Variants in PHLDB1 observed in about 807,000 individuals in gnomAD.
PHLDB1 encodes the protein pleckstrin homology like domain family B member 1, also known as pleckstrin homology-like domain family B member 1.
Under a neutral mutation model 139.3 loss-of-function variants are expected in PHLDB1, and 65 were observed. The ratio of observed to expected loss-of-function variants is 0.47; its 90% CI spans 0.38 to 0.57. PHLDB1 has a LOEUF of 0.57. Ranked by LOEUF, PHLDB1 falls within the 20% of genes least tolerant of loss-of-function variation. The pLI is 0.00. For missense variants in PHLDB1, 1,624 were observed against 1,839.7 expected (o/e 0.88, Z 2.14); for synonymous variants, 679 against 734.5 (o/e 0.92, Z 1.22).
rs1939952920 is a variant in PHLDB1 at position 118,610,513 on chromosome 11, C to A, written c.-22+2814C>A. 2.0e-6 allele frequency: 2 copies of A among 980,262 alleles called. No individual in the cohort carries two copies. Among genetic ancestry groups the A allele is most frequent in the Non-Finnish European group, 2.4e-6 (2 of 825,246 alleles). The allele number at this position is 980,262 out of a possible 1,614,324, so 60.7% of individuals were successfully genotyped here. ...CGCTTGGGCCGAGGCCGAGGCCGACCCCCAGGGACACAGGTGAGGCCGGGC... is the reference window on the plus strand; with the variant it reads ...CGCTTGGGCCGAGGCCGAGGCCGACACCCAGGGACACAGGTGAGGCCGGGC... On this transcript the variant is annotated intron_variant, in intron 1 of 22. Coordinates refer to ENST00000600882, the MANE Select transcript of PHLDB1 (RefSeq NM_001144758.3). This position sits in a 1 kb window ranked among gnomAD's most constrained non-coding sequence, Gnocchi z 8.7.
intron 4 of PHLDB1, among the ~76,000 whole-genome samples, chr11:118,617,986 G>A (rs1046936124): frequency 1.3e-5 from 2 of 151,856 alleles, no homozygotes; most frequent in Admixed American, 6.6e-5. Flanking sequence ...TAAGAACATT[G>A]TTCCCCTGCA....
chr11:118,635,023 G>A (rs960783842), intron 9 of PHLDB1: 3 of 485,330 alleles, frequency 6.2e-6, no homozygotes, highest in African/African-American at 1.9e-5. Flanking sequence ...GAGTCAGTGC[G>A]GGAACAGTTA....
intron 4 of PHLDB1, among the ~76,000 whole-genome samples, chr11:118,616,583 A>C (rs1466730560): frequency 6.6e-6 from 1 of 152,194 alleles, no homozygotes; most frequent in African/African-American, 2.4e-5. Flanking sequence ...TGCCAAGAGG[A>C]AGTTGTTTTG....
rs903888286 is a variant in PHLDB1, at chr11:118,655,857, C to A, written c.3961-3C>A. 6.2e-7 allele frequency: 1 copy of A among 1,612,084 alleles called. No homozygotes were observed. Among genetic ancestry groups the A allele is most frequent in the African/African-American group, 1.3e-5 (1 of 74,986 alleles). On this transcript the variant is annotated splice_region_variant and splice_polypyrimidine_tract_variant and intron_variant, in intron 21 of 22. Coordinates refer to ENST00000600882, the MANE Select transcript of PHLDB1 (RefSeq NM_001144758.3). ...TCTTCCTTTCTCCCTCTCCCCTTCC[C>A]AGAAGAGGTTTTTCCGCTTCACTAT...
Position 118,632,240 on chromosome 11 carries a change from C to T in PHLDB1, c.2323C>T (p.Gln775Ter). Residue 775 changes from glutamine to a stop codon, truncating the protein, a stop_gained, in exon 9 of 23, where the codon CAG becomes TAG. Transcript: ENST00000600882. LOFTEE classifies it high-confidence loss of function. The surrounding 1 kb of genome is among the most constrained non-coding windows in gnomAD (Gnocchi z 5.9). Reference sequence around the variant, plus strand: ...GCAGAAGGAGCAGAAGGCAGTGGATCAGCTGCAGGAGAAGCTGGTGGCCTT... The same window carrying T: ...GCAGAAGGAGCAGAAGGCAGTGGATTAGCTGCAGGAGAAGCTGGTGGCCTT... ...LLQKEQKAVD[Q>*]LQEKLVALET... 6.2e-7 allele frequency: 1 copy of T among 1,613,922 alleles called. No homozygotes were observed. Among genetic ancestry groups the T allele is most frequent in the Non-Finnish European group, 8.5e-7 (1 of 1,180,006 alleles).
intron 13 of PHLDB1, chr11:118,643,449 A>G: frequency 1.1e-6 from 1 of 936,206 alleles, no homozygotes; most frequent in Non-Finnish European, 1.3e-6. Flanking sequence ...GCCCAAGGTC[A>G]CACAGCCTGT....
At position 118,631,474 on chromosome 11, in the gene PHLDB1, C is replaced by T; in HGVS notation, c.2095C>T (p.Gln699Ter). 2.1e-6 allele frequency: 3 copies of T among 1,423,118 alleles called. No individual in the cohort carries two copies. Among genetic ancestry groups the T allele is most frequent in the Non-Finnish European group, 2.7e-6 (3 of 1,091,944 alleles). The allele number at this position is 1,423,118 out of a possible 1,614,324, so 88.2% of individuals were successfully genotyped here. A position where few individuals can be genotyped will look rare whatever the true frequency, so the allele number is the denominator to read the frequency against. ...GTGCAGCAGCACTGAGAGCACCCAG[C>T]AGGAGGTGAGATGGAGGGGTAGGCA... is the stretch of plus-strand genomic sequence containing the variant. Reference protein sequence around the residue: ...EECSSTESTQQEHEDAPSTKL... With the variant: ...EECSSTESTQ Residue 699 changes from glutamine to a stop codon, truncating the protein, a stop_gained, in exon 7 of 23, where the codon CAG (glutamine) becomes TAG (stop). Coordinates refer to ENST00000600882, the MANE Select transcript of PHLDB1 (RefSeq NM_001144758.3). LOFTEE classifies it high-confidence loss of function.
chr11:118,606,914 T>C (rs1402391683), upstream of PHLDB1, among the ~76,000 whole-genome samples: 1 of 152,184 alleles, frequency 6.6e-6, no homozygotes, highest in African/African-American at 2.4e-5. Flanking sequence ...GGGGGCAAGA[T>C]GATAATTCCA....
intron 9 of PHLDB1, chr11:118,634,922 G>A (rs1945378082): frequency 2.2e-6 from 1 of 450,302 alleles, no homozygotes; most frequent in Admixed American, 2.4e-5. Flanking sequence ...CCGCCGACCA[G>A]GAGAGGGCGG....
At chr11:118,646,336 C>T (rs1232086841) in intron 17 of PHLDB1, 1 of 148,188 alleles carries the variant, frequency 6.7e-6, no homozygotes, top group Non-Finnish European at 1.5e-5. Flanking sequence ...ATTACAACTT[C>T]ATAGCTCTTA....
intron 6 of PHLDB1, chr11:118,629,996 C>G: frequency 7.8e-7 from 1 of 1,286,412 alleles, no homozygotes; most frequent in Non-Finnish European, 1.0e-6. Context: ...GAGGCACTGG[C>G]CCAGCCTCCC....
chr11:118,622,648 C>T (rs1337793415), intron 4 of PHLDB1, among the ~76,000 whole-genome samples: 1 of 152,288 alleles, frequency 6.6e-6, no homozygotes, highest in East Asian at 1.9e-4. Flanking sequence ...CCAGCCTGGA[C>T]TGTGTGGTCA....
At chr11:118,635,583 G>C in intron 10 of PHLDB1, 35 bp downstream of exon 10, 1 of 1,465,876 alleles carries the variant, frequency 6.8e-7, no homozygotes, top group South Asian at 1.5e-5. Flanking sequence ...GCGTGCTGTT[G>C]GAGGCCAGTG....
rs2137211031 is a variant in PHLDB1 at position 118,656,702 on chromosome 11, C to T, written c.4013C>T (p.Thr1338Ile). ...TGGCAGAGCCCGAACCCAGCCCTCA[C>T]CTTCTGCGTAAAGACCCATGACCGG... ...MVTESPNPAL[T>I]FCVKTHDRLY... Residue 1338 changes from threonine (T) to isoleucine (I), a missense_variant, in exon 23 of 23, where the codon ACC (threonine) becomes ATC (isoleucine). By Grantham distance (89) the Thr-to-Ile change is moderately conservative (BLOSUM62 -1). Coordinates refer to ENST00000600882, the MANE Select transcript of PHLDB1 (RefSeq NM_001144758.3). 6.2e-7 allele frequency: 1 copy of T among 1,613,946 alleles called. No homozygotes were observed. Among genetic ancestry groups the T allele is most frequent in the South Asian group, 1.1e-5 (1 of 91,062 alleles).
chr11:118,622,552 G>A (rs1185384656), intron 4 of PHLDB1, among the ~76,000 whole-genome samples: 1 of 152,176 alleles, frequency 6.6e-6, no homozygotes, highest in Non-Finnish European at 1.5e-5. Context: ...TAGGGGCCCA[G>A]GCAGAGGATC....
At chr11:118,612,294 C>T (rs113581317) in intron 1 of PHLDB1, among the ~76,000 whole-genome samples, 12 of 152,108 alleles carry the variant, frequency 7.9e-5, no homozygotes, top group African/African-American at 2.9e-4. Context: ...GTTCTTTCTA[C>T]CAAAGGATGA....
chr11:118,628,439 G>T lies in PHLDB1; in HGVS notation c.1616G>T (p.Ser539Ile). 6.2e-7 allele frequency: 1 copy of T among 1,610,042 alleles called. No individual in the cohort carries two copies. Among genetic ancestry groups the T allele is most frequent in the South Asian group, 1.1e-5 (1 of 90,834 alleles). The change falls in exon 6 of 23, where the codon AGC becomes ATC. Residue 539 changes from serine to isoleucine, a missense_variant. Physicochemically the swap from Ser to Ile is moderately radical, Grantham distance 142. Transcript: ENST00000600882. ...PHKGSFSGRL[S>I]PAYSLGSLTG... ...AAGGGCAGCTTCAGTGGCAGGCTGA[G>T]CCCAGCCTACAGTCTGGGCTCTCTT...
At chr11:118,630,615 T>C (rs1417580195) in intron 6 of PHLDB1, among the ~76,000 whole-genome samples, 3 of 152,184 alleles carry the variant, frequency 2.0e-5, no homozygotes, top group Non-Finnish European at 4.4e-5. Flanking sequence ...ACTGTGTTTA[T>C]CTGTGAGTGT....
intron 20 of PHLDB1, chr11:118,651,325 A>G (rs1555136702): frequency 6.6e-6 from 1 of 152,226 alleles, no homozygotes; most frequent in Admixed American, 6.5e-5. Context: ...CTTTGTCTCT[A>G]CTAAAAATAC....
Sources: gnomAD v4.1 joint callset for allele counts (sites outside exome capture counted in the v4.1 genomes callset) on GRCh38, gnomAD v4.1.1 for gene constraint, Gnocchi (gnomAD v3.1) non-coding constraint, MANE v1.5 for transcripts, NCBI Gene and HGNC (gene_info 2026-07-23, HGNC 2026-07-21) for gene names.